Variants in SLC9C2 observed in about 807,000 individuals in gnomAD.
The protein encoded by SLC9C2 is sodium/hydrogen exchanger 11.
A neutral mutation model predicts 140.2 loss-of-function variants in SLC9C2; 75 were observed. The observed-to-expected ratio is 0.53, with a 90% CI of 0.44 to 0.65. SLC9C2 has a LOEUF of 0.65. Among genes scored for constraint, SLC9C2 ranks in the 30% least tolerant of loss-of-function variants. The pLI, the probability that SLC9C2 is intolerant of heterozygous loss-of-function variation, is 0.00. For missense variants in SLC9C2, 1,074 were observed against 1,331.8 expected (o/e 0.81, Z 3.01); for synonymous variants, 375 against 420.9 (o/e 0.89, Z 1.34).
chr1:173,528,847 C>T (rs1661380342), intron 18 of SLC9C2, among the ~76,000 whole-genome samples: 1 of 152,010 alleles, frequency 6.6e-6, no homozygotes, highest in South Asian at 2.1e-4. Context: ...CTCATTGACA[C>T]GTATGAAAAT....
chr1:173,550,872 A>AAGAGAGAGAG (rs143296396), intron 11 of SLC9C2, among the ~76,000 whole-genome samples: 6,467 of 86,096 alleles, frequency 0.075, 552 homozygotes, highest in Non-Finnish European at 0.092. Flanking sequence ...GAGCCGTTGA[A>AAGAGAGAGAG]AGAGAGAGAG....
chr1:173,599,126 C>CT (rs144349930), intron 3 of SLC9C2, among the ~76,000 whole-genome samples: 24,237 of 148,656 alleles, frequency 0.16, 6,120 homozygotes, highest in African/African-American at 0.54. Context: ...TAAGCAGGCC[C>CT]TTTTTTTTTT....
At chr1:173,588,843 C>T (rs1666000544) in intron 4 of SLC9C2, among the ~76,000 whole-genome samples, 1 of 151,616 alleles carries the variant, frequency 6.6e-6, no homozygotes. Flanking sequence ...GGAGGCAAGG[C>T]AGGAGGATAT....
intron 11 of SLC9C2, among the ~76,000 whole-genome samples, chr1:173,553,221 C>T (rs1028155925): frequency 1.3e-5 from 2 of 152,158 alleles, no homozygotes; most frequent in African/African-American, 4.8e-5. Context: ...GATGAGTAAA[C>T]GAAGTGCTTT....
Position 173,593,963 on chromosome 1 carries a change from G to C in SLC9C2, c.357+3941C>G, listed in dbSNP as rs1229230804. On this transcript the variant is annotated intron_variant, in intron 4 of 27. Transcript: ENST00000367714. ...CCTTGGATAACTGAAACTGTGGAAA[G>C]TGAAATGGTGGATAAAAGGTAACTA... 3.3e-5 allele frequency among the ~76,000 whole-genome samples: 5 copies of C among 152,292 alleles called. No individual in the cohort carries two copies. In the East Asian group the frequency reaches 5.8e-4, roughly 18 times the overall value.
intron 19 of SLC9C2, 68 bp downstream of exon 19, chr1:173,526,595 T>C: frequency 2.3e-6 from 3 of 1,324,456 alleles, no homozygotes; most frequent in South Asian, 1.3e-5. Flanking sequence ...GCATGAATTG[T>C]TCTTCTTTTA....
chr1:173,583,429 A>C (rs1665668822), intron 6 of SLC9C2, 77 bp downstream of exon 6: 3 of 842,698 alleles, frequency 3.6e-6, no homozygotes, highest in Non-Finnish European at 5.7e-6. Context: ...AGAAGGCAGC[A>C]AAGTTAAAAC....
In SLC9C2 at chr1:173,530,074, A is replaced by G. The variant is rs928120326; in HGVS notation, c.2164-20T>C. 11 of 1,559,548 alleles carry G rather than the reference A, an allele frequency of 7.1e-6. No individual in the cohort carries two copies. On this transcript the variant is annotated intron_variant, in intron 17 of 27. Transcript: ENST00000367714. ...TATTATCTGGAATAATGAGAAGAAG[A>G]AAAAAAAACCTGTACATTTGATGAG...
chr1:173,601,880 G>A (rs532790182), intron 1 of SLC9C2, 25 bp from the exon 2 acceptor site: 4 of 1,392,274 alleles, frequency 2.9e-6, no homozygotes, highest in Admixed American at 2.1e-5. Flanking sequence ...AAAAGAACAT[G>A]AGACCTACCA....
rs565680827 is a variant in SLC9C2 at position 173,529,941 on chromosome 1, T to C, written c.2277A>G (p.Leu759=). The change falls in exon 18 of 28, where the codon CTA becomes CTG. Residue 759 remains leucine, a synonymous_variant. Coordinates refer to ENST00000367714, the MANE Select transcript of SLC9C2 (RefSeq NM_178527.4). ...ATTCACAGACAGCTATTTGTTTTAT[T>C]AGAAGTTTGGCATCTTCTTGACTTT... ...YIKSQEDAKL[L]IKQIAVCESI... 2 of 1,611,886 alleles carry C rather than the reference T, an allele frequency of 1.2e-6. No homozygotes were observed. The highest frequency in any genetic ancestry group is 2.2e-5 in the South Asian group (2 of 90,312).
intron 13 of SLC9C2, among the ~76,000 whole-genome samples, chr1:173,542,911 G>A (rs1188136195): frequency 1.3e-5 from 2 of 152,140 alleles, no homozygotes; most frequent in African/African-American, 4.8e-5. Context: ...CATACTCAAT[G>A]GGCAAAAACT....
chr1:173,595,858 A>C (rs1208126454), intron 4 of SLC9C2, among the ~76,000 whole-genome samples: 1 of 152,200 alleles, frequency 6.6e-6, no homozygotes, highest in East Asian at 1.9e-4. Flanking sequence ...GCATACAGTT[A>C]TGTAATCACA....
At chr1:173,579,909 T>C (rs1665413981) in intron 7 of SLC9C2, among the ~76,000 whole-genome samples, 1 of 152,156 alleles carries the variant, frequency 6.6e-6, no homozygotes, top group African/African-American at 2.4e-5. Flanking sequence ...CTGCCCTCAA[T>C]TCATACACAT....
chr1:173,517,714 G>T lies in SLC9C2; in HGVS notation c.2740-10C>A. Reference sequence around the variant, plus strand: ...GAGATAAACTATGCAACTGCAAAGGGAAAAAAAGTGTGCAAAGGGAAAGAA... The same window carrying T: ...GAGATAAACTATGCAACTGCAAAGGTAAAAAAAGTGTGCAAAGGGAAAGAA... On this transcript the variant is annotated splice_polypyrimidine_tract_variant and intron_variant, in intron 22 of 27. Transcript: ENST00000367714. The T allele has an allele frequency of 6.3e-7, 1 of 1,589,898 alleles. No homozygotes were observed. The highest frequency in any genetic ancestry group is 8.5e-7 in the Non-Finnish European group (1 of 1,172,670).
intron 22 of SLC9C2, among the ~76,000 whole-genome samples, chr1:173,519,149 C>A (rs895222038): frequency 6.6e-6 from 1 of 151,932 alleles, no homozygotes; most frequent in Non-Finnish European, 1.5e-5. Flanking sequence ...TGAGCCCTCG[C>A]AAGTAGAAGG....
chr1:173,582,930 T>C (rs773562937), intron 6 of SLC9C2, among the ~76,000 whole-genome samples: 2 of 152,236 alleles, frequency 1.3e-5, no homozygotes, highest in Non-Finnish European at 2.9e-5. Context: ...CTGAGCGAGC[T>C]GACACTATAT....
At chr1:173,599,542 T>C (rs1042131418) in intron 3 of SLC9C2, among the ~76,000 whole-genome samples, 4 of 151,596 alleles carry the variant, frequency 2.6e-5, no homozygotes, top group African/African-American at 9.7e-5. Flanking sequence ...ACCTGGCTAA[T>C]TTTTTGTATT....
chr1:173,583,708 C>T, intron 5 of SLC9C2, 86 bp from the exon 6 acceptor site: 2 of 732,184 alleles, frequency 2.7e-6, no homozygotes, highest in Non-Finnish European at 4.4e-6. Context: ...AGAGAAAGAA[C>T]AGAAAAAGAA....
chr1:173,544,538 A>G (rs1488403785), intron 13 of SLC9C2, among the ~76,000 whole-genome samples: 2 of 152,278 alleles, frequency 1.3e-5, no homozygotes, highest in East Asian at 3.9e-4. Flanking sequence ...AAATCATGCT[A>G]CTATAAAGAT....
Sources: gnomAD v4.1 joint callset for allele counts (sites outside exome capture counted in the v4.1 genomes callset) on GRCh38, gnomAD v4.1.1 for gene constraint, MANE v1.5 for transcripts, NCBI Gene and HGNC (gene_info 2026-07-23, HGNC 2026-07-21) for gene names.